Variants in RORC observed in about 807,000 individuals in gnomAD.
The protein encoded by RORC is RAR related orphan receptor C, also known as nuclear receptor ROR-gamma.
A neutral mutation model predicts 64.5 loss-of-function variants in RORC; 13 were observed. The observed-to-expected ratio is 0.20, with a 90% CI of 0.13 to 0.32. The LOEUF (loss-of-function observed/expected upper bound fraction) is 0.32. Ranked by LOEUF, RORC falls within the 10% of genes least tolerant of loss-of-function variation. The pLI, the probability that RORC is intolerant of heterozygous loss-of-function variation, is 1.00. For missense variants in RORC, 468 were observed against 669.5 expected, an observed-to-expected ratio of 0.70 and a Z score of 3.32; for synonymous variants, 277 against 259.3, an observed-to-expected ratio of 1.07 and a Z score of -0.65.
intron 2 of RORC, among the ~76,000 whole-genome samples, chr1:151,826,953 A>G (rs1203636975): frequency 6.6e-6 from 1 of 152,134 alleles, no homozygotes; most frequent in Non-Finnish European, 1.5e-5. Context: ...CCCCATCTCT[A>G]CTAAAAATAC....
intron 2 of RORC, among the ~76,000 whole-genome samples, chr1:151,824,119 A>G (rs905107616): frequency 2.0e-5 from 3 of 152,068 alleles, no homozygotes; most frequent in Admixed American, 6.5e-5. Context: ...CCCAAGCCCC[A>G]TGTGCTTTGA....
chr1:151,811,532 A>C, intron 9 of RORC, 98 bp from the exon 10 acceptor site: 2 of 718,988 alleles, frequency 2.8e-6, no homozygotes, highest in Non-Finnish European at 4.8e-6. Context: ...TGCTGGATAG[A>C]GGTCTTCTAA....
chr1:151,812,888 C>A, intron 9 of RORC, 59 bp downstream of exon 9: 1 of 1,112,654 alleles, frequency 9.0e-7, no homozygotes, highest in Non-Finnish European at 1.4e-6. Context: ...GACTCTTCTT[C>A]AATATCTGCC....
intron 6 of RORC, 47 bp from the exon 7 acceptor site, chr1:151,813,667 G>A: frequency 6.2e-7 from 1 of 1,604,170 alleles, no homozygotes; most frequent in African/African-American, 1.3e-5. Flanking sequence ...GTGTGGCCCT[G>A]TGATCCTCCT....
chr1:151,821,091 G>A (rs1651978354), intron 2 of RORC, among the ~76,000 whole-genome samples: 1 of 152,226 alleles, frequency 6.6e-6, no homozygotes, highest in Admixed American at 6.5e-5. Flanking sequence ...AAATACGGTA[G>A]AGGCAAAGTC....
At chr1:151,825,961 T>C (rs920425157) in intron 2 of RORC, 1 of 1,613,006 alleles carries the variant, frequency 6.2e-7, no homozygotes, top group African/African-American at 1.3e-5. Context: ...TCTGCCGGCC[T>C]TGGCTCCCTG....
chr1:151,811,451 G>C lies in RORC; in HGVS notation c.1286-17C>G, dbSNP rs879179527. On this transcript the variant is annotated splice_polypyrimidine_tract_variant and intron_variant, in intron 9 of 10. Transcript: ENST00000318247. ...CTGGCCGATCTGGAGGAGGGGGTGGGACCGTAATGAGAACAAGAAAGAACA... is the reference window on the plus strand; with the variant it reads ...CTGGCCGATCTGGAGGAGGGGGTGGCACCGTAATGAGAACAAGAAAGAACA... 1 of 1,504,052 alleles carries C rather than the reference G, an allele frequency of 6.6e-7. No individual in the cohort carries two copies. The highest frequency in any genetic ancestry group is 9.2e-7 in the Non-Finnish European group (1 of 1,082,208). The allele number at this position is 1,504,052 out of a possible 1,614,324, so 93.2% of individuals were successfully genotyped here.
intron 6 of RORC, chr1:151,814,233 G>C (rs1036558515): frequency 4.2e-6 from 1 of 239,076 alleles, no homozygotes; most frequent in Non-Finnish European, 8.2e-6. Flanking sequence ...GGCAGAGAAG[G>C]GGTGTTTAAC....
chr1:151,825,272 C>CCACACACACACGCA (rs1558170005), intron 2 of RORC, among the ~76,000 whole-genome samples: 1 of 151,932 alleles, frequency 6.6e-6, no homozygotes, highest in Admixed American at 6.6e-5. Context: ...CACACACACC[C>CCACACACACACGCA]CACACACACA....
At chr1:151,831,348 G>A (rs1429113306) in intron 1 of RORC, among the ~76,000 whole-genome samples, 2 of 152,162 alleles carry the variant, frequency 1.3e-5, no homozygotes. Flanking sequence ...CAAGGAAGCA[G>A]TGTCCCTGTG....
chr1:151,828,048 C>G (rs900917566), intron 2 of RORC, among the ~76,000 whole-genome samples: 1 of 151,886 alleles, frequency 6.6e-6, no homozygotes, highest in Admixed American at 6.6e-5. Flanking sequence ...TAGGGGCAGG[C>G]GAGACACTGA....
intron 10 of RORC, among the ~76,000 whole-genome samples, chr1:151,811,095 A>G (rs941606258): frequency 1.3e-5 from 2 of 152,086 alleles, no homozygotes; most frequent in African/African-American, 4.8e-5. Flanking sequence ...ATTAAACTGA[A>G]TTGTTCCCTG....
At chr1:151,824,563 AC>A (rs1444785555) in intron 2 of RORC, among the ~76,000 whole-genome samples, 1 of 151,890 alleles carries the variant, frequency 6.6e-6, no homozygotes, top group Non-Finnish European at 1.5e-5. Flanking sequence ...CTCCTTATCC[AC>A]CCCAGCTCAT....
chr1:151,813,482 G>A lies in RORC; in HGVS notation c.1066+6C>T. ...TCCCCAGGCCTGCCCACCCATCCCT[G>A]GGCACCTGCTTTGAGAAGCACAATC... On this transcript the variant is annotated splice_donor_region_variant and intron_variant, in intron 7 of 10. Coordinates refer to ENST00000318247, the MANE Select transcript of RORC (RefSeq NM_005060.4). The A allele has an allele frequency of 1.2e-6, 2 of 1,614,038 alleles. No individual in the cohort carries two copies. The highest frequency in any genetic ancestry group is 1.1e-5 in the South Asian group (1 of 91,072).
At position 151,814,999 on chromosome 1, in the gene RORC, C is replaced by T. The variant is rs767397591; in HGVS notation, c.725G>A (p.Gly242Glu). The T allele has an allele frequency of 6.2e-7, 1 of 1,614,194 alleles. No homozygotes were observed. Among genetic ancestry groups the T allele is most frequent in the Non-Finnish European group, 8.5e-7 (1 of 1,180,016 alleles). The change falls in exon 5 of 11, where the codon GGG becomes GAG. Residue 242 changes from glycine (G) to glutamate (E), a missense_variant. Transcript: ENST00000318247. ...GCTGTCTGGGCCCTGTCCCAGTTCCCCAAGCCCAGGATGCCTGTGTTCCTC... is the reference window on the plus strand; with the variant it reads ...GCTGTCTGGGCCCTGTCCCAGTTCCTCAAGCCCAGGATGCCTGTGTTCCTC... ...RFEEHRHPGL[G>E]ELGQGPDSYG...
chr1:151,811,291 G>A (rs1169430498), intron 10 of RORC, 34 bp downstream of exon 10: 1 of 1,405,134 alleles, frequency 7.1e-7, no homozygotes, highest in Non-Finnish European at 1.0e-6. Context: ...CTAGCGATGG[G>A]CCTGGCCTCT....
chr1:151,816,774 G>A lies in RORC; in HGVS notation c.188C>T (p.Ala63Val), dbSNP rs143596741. The A allele has an allele frequency of 2.4e-5, 38 of 1,565,566 alleles. No homozygotes were observed. Among genetic ancestry groups the A allele is most frequent in the Middle Eastern group, 1.7e-4 (1 of 5,864 alleles). ...GFFRRSQRCN[A>V]AYSCTRQQNC... is the part of the protein sequence containing the mutation. ...CTGCTGACGGGTGCAGGAGTAGGCC[G>A]CGTTACAGCGCTGGCTCCGGCGGAA... The change falls in exon 4 of 11, where the codon GCG becomes GTG. Residue 63 changes from alanine to valine, a missense_variant. By Grantham distance (64) the Ala-to-Val change is moderately conservative (BLOSUM62 0). Transcript: ENST00000318247.
chr1:151,824,504 C>T (rs1398388026), intron 2 of RORC, among the ~76,000 whole-genome samples: 1 of 152,184 alleles, frequency 6.6e-6, no homozygotes, highest in Non-Finnish European at 1.5e-5. Flanking sequence ...ACGGAAGCTC[C>T]AAGGGGCCCT....
At chr1:151,821,681 C>G (rs955948688) in intron 2 of RORC, among the ~76,000 whole-genome samples, 1 of 152,196 alleles carries the variant, frequency 6.6e-6, no homozygotes, top group Admixed American at 6.5e-5. Flanking sequence ...ATTCTGCAGC[C>G]AGTGCCCTCA....
Sources: gnomAD v4.1 joint callset for allele counts (sites outside exome capture counted in the v4.1 genomes callset) on GRCh38, gnomAD v4.1.1 for gene constraint, MANE v1.5 for transcripts, NCBI Gene and HGNC (gene_info 2026-07-23, HGNC 2026-07-21) for gene names.